RORB: variants seen among roughly 807,000 people sequenced by gnomAD.
RORB encodes RAR related orphan receptor B.
A neutral mutation model predicts 59.1 loss-of-function variants in RORB; 6 were observed. The observed-to-expected ratio is 0.10, with a 90% confidence interval of 0.06 to 0.20. RORB has a LOEUF of 0.20. Ranked by LOEUF, RORB falls within the 10% of genes least tolerant of loss-of-function variation. The pLI is 1.00. For missense variants in RORB, 320 were observed against 560.5 expected (o/e 0.57, Z 4.33); for synonymous variants, 215 against 204.5 (o/e 1.05, Z -0.44).
At chr9:74,591,866 T>C (rs549971852) in intron 1 of RORB, among the ~76,000 whole-genome samples, 1 of 152,184 alleles carries the variant, frequency 6.6e-6, no homozygotes, top group Admixed American at 6.5e-5. Flanking sequence ...TTTCTAAAGT[T>C]TAGAATGCTA....
chr9:74,637,721 C>A (rs1308847848), intron 3 of RORB, among the ~76,000 whole-genome samples: 1 of 152,052 alleles, frequency 6.6e-6, no homozygotes, highest in East Asian at 1.9e-4. Flanking sequence ...AGAAGTTGCC[C>A]TAAAAGGACA....
chr9:74,623,892 G>A (rs910512603), intron 1 of RORB, among the ~76,000 whole-genome samples: 2 of 152,136 alleles, frequency 1.3e-5, no homozygotes, highest in South Asian at 2.1e-4. Flanking sequence ...GTTCAAAGCC[G>A]CTACAACTTA....
intron 1 of RORB, among the ~76,000 whole-genome samples, chr9:74,604,445 G>A (rs1336805359): frequency 6.6e-6 from 1 of 152,210 alleles, no homozygotes; most frequent in Non-Finnish European, 1.5e-5. Context: ...CCCACTAGTT[G>A]CAAGGGCATG....
At chr9:74,567,364 A>G (rs1226174580) in intron 1 of RORB, among the ~76,000 whole-genome samples, 1 of 152,180 alleles carries the variant, frequency 6.6e-6, no homozygotes, top group Non-Finnish European at 1.5e-5. Flanking sequence ...CTCTAGTCCC[A>G]GGAAAGCTGG....
chr9:74,501,105 G>C (rs1343714234), intron 1 of RORB, among the ~76,000 whole-genome samples: 1 of 152,046 alleles, frequency 6.6e-6, no homozygotes, highest in African/African-American at 2.4e-5. Context: ...GCGCGGAAAT[G>C]GTCGGATTTT....
In RORB at chr9:74,497,668, AAAAC is replaced by A. The variant is rs1287423635; in HGVS notation, c.-305_-302del. 4 of 466,476 alleles carry A rather than the reference AAAAC, an allele frequency of 8.6e-6. No homozygotes were observed. The highest frequency in any genetic ancestry group is 1.5e-5 in the Non-Finnish European group (4 of 261,900). 28.9% of individuals were successfully genotyped at this position (466,476 alleles called of 1,614,324 possible). On this transcript the variant is annotated 5_prime_UTR_variant, in exon 1 of 10. Transcript: ENST00000376896. ...AGCACATTGGAGAGAAAGAAAAAGAAAAACAAAACCAAAACAAAACCCAGGCACC... is the reference window on the plus strand; with the variant it reads ...AGCACATTGGAGAGAAAGAAAAAGAAAAAACCAAAACAAAACCCAGGCACC...
intron 1 of RORB, among the ~76,000 whole-genome samples, chr9:74,513,403 C>A (rs948183882): frequency 2.0e-5 from 3 of 151,490 alleles, no homozygotes; most frequent in African/African-American, 7.3e-5. Flanking sequence ...CAGTTTTTGC[C>A]ATTACGTCAG....
At chr9:74,654,248 TCTTA>T (rs1291118538) in intron 4 of RORB, among the ~76,000 whole-genome samples, 3 of 152,190 alleles carry the variant, frequency 2.0e-5, no homozygotes, top group Non-Finnish European at 4.4e-5. Flanking sequence ...GGACTTTCTT[TCTTA>T]CTTCTTTGAT....
chr9:74,507,767 T>C (rs565777274), intron 1 of RORB, among the ~76,000 whole-genome samples: 1 of 152,022 alleles, frequency 6.6e-6, no homozygotes, highest in South Asian at 2.1e-4. Flanking sequence ...ACAAAACATT[T>C]CCTGTTAACT....
At chr9:74,569,789 A>G (rs757844890) in intron 1 of RORB, among the ~76,000 whole-genome samples, 2 of 152,094 alleles carry the variant, frequency 1.3e-5, no homozygotes, top group Middle Eastern at 3.2e-3. Flanking sequence ...CTCTAATACA[A>G]ATATGCATTT....
At chr9:74,535,322 T>TC (rs1354544362) in intron 1 of RORB, among the ~76,000 whole-genome samples, 3 of 152,160 alleles carry the variant, frequency 2.0e-5, no homozygotes, top group Non-Finnish European at 4.4e-5. Context: ...ACTAAGCAGA[T>TC]CTTTTTTCCC....
intron 4 of RORB, among the ~76,000 whole-genome samples, chr9:74,658,072 C>T (rs1436577817): frequency 6.7e-6 from 1 of 149,844 alleles, no homozygotes; most frequent in Non-Finnish European, 1.5e-5. Flanking sequence ...TTAATCTGTA[C>T]CTTGACCTGA....
At chr9:74,551,126 T>C (rs1415129864) in intron 1 of RORB, among the ~76,000 whole-genome samples, 1 of 152,148 alleles carries the variant, frequency 6.6e-6, no homozygotes, top group Non-Finnish European at 1.5e-5. Flanking sequence ...TGACACAAAT[T>C]AAATTTGTTG....
chr9:74,593,239 G>T (rs1313712473), intron 1 of RORB, among the ~76,000 whole-genome samples: 1 of 152,048 alleles, frequency 6.6e-6, no homozygotes, highest in Non-Finnish European at 1.5e-5. Context: ...GGCCAAGGCG[G>T]GTGGATCACT....
intron 1 of RORB, among the ~76,000 whole-genome samples, chr9:74,603,969 G>A (rs1783632355): frequency 6.6e-6 from 1 of 152,158 alleles, no homozygotes; most frequent in African/African-American, 2.4e-5. Flanking sequence ...AGAGGAGAGA[G>A]TTTATTCCCT....
intron 7 of RORB, 117 bp downstream of exon 7, chr9:74,665,712 T>G: frequency 1.5e-6 from 1 of 673,428 alleles, no homozygotes; most frequent in East Asian, 2.7e-5. Context: ...ATCTCATTAT[T>G]CGATAAGCGA....
In RORB at chr9:74,599,605, T is replaced by C. The variant is rs943221666; in HGVS notation, c.8-30677T>C. Among the ~76,000 whole-genome samples, 3 of 152,350 alleles carry C rather than the reference T, an allele frequency of 2.0e-5. No individual in the cohort carries two copies. In the South Asian group the frequency reaches 6.2e-4, roughly 32 times the overall value. On this transcript the variant is annotated intron_variant, in intron 1 of 9. Transcript: ENST00000376896. ...GTCTTTTAAAAGGCTTTGTGAATGCTAAAATGTTTACAAAACTTTTAAAAA... is the reference window on the plus strand; with the variant it reads ...GTCTTTTAAAAGGCTTTGTGAATGCCAAAATGTTTACAAAACTTTTAAAAA...
rs59269166 is a variant in RORB, at chr9:74,561,069, CTTCT to C, written c.7+63089_7+63092del. Reference sequence around the variant, plus strand: ...CAATAGATTCAACTTCCCTTCCATTCTTCTTTAAGAGAGTAAGCCACACTCTTCT... The same window carrying C: ...CAATAGATTCAACTTCCCTTCCATTCTTAAGAGAGTAAGCCACACTCTTCT... On this transcript the variant is annotated intron_variant, in intron 1 of 9. Coordinates refer to ENST00000376896, the MANE Select transcript of RORB (RefSeq NM_006914.4). 2.5e-4 allele frequency among the ~76,000 whole-genome samples: 38 copies of C among 152,222 alleles called. 2 individuals carry two copies. The East Asian group carries it at 7.3e-3, about 29-fold the overall frequency.
At chr9:74,537,714 A>T (rs1327413294) in intron 1 of RORB, among the ~76,000 whole-genome samples, 1 of 152,064 alleles carries the variant, frequency 6.6e-6, no homozygotes, top group Non-Finnish European at 1.5e-5. Flanking sequence ...ATGTATGTTA[A>T]CTAATGAAAT....
Sources: gnomAD v4.1 joint callset for allele counts (sites outside exome capture counted in the v4.1 genomes callset) on GRCh38, gnomAD v4.1.1 for gene constraint, MANE v1.5 for transcripts, NCBI Gene and HGNC (gene_info 2026-07-23, HGNC 2026-07-21) for gene names.